SLIT3: variants seen among roughly 807,000 people sequenced by gnomAD.
The protein encoded by SLIT3 is slit guidance ligand 3, also known as slit homolog 3 protein.
Under a neutral mutation model 184.0 loss-of-function variants are expected in SLIT3, and 68 were observed. That is an observed-to-expected ratio of 0.37 (90% CI 0.30 to 0.45). The LOEUF (loss-of-function observed/expected upper bound fraction) is 0.45. Among genes scored for constraint, SLIT3 ranks in the 20% least tolerant of loss-of-function variants. SLIT3 has a pLI of 1.00. For synonymous variants in SLIT3, 831 were observed against 828.6 expected, an observed-to-expected ratio of 1.00 and a Z score of -0.05; for missense variants, 1,707 against 2,026.0, an observed-to-expected ratio of 0.84 and a Z score of 3.02.
chr5:168,704,706 A>G (rs1465794088), intron 26 of SLIT3, among the ~76,000 whole-genome samples: 2 of 152,196 alleles, frequency 1.3e-5, no homozygotes, highest in Non-Finnish European at 2.9e-5. Context: ...CTGCTACCAA[A>G]TGTTACACAG....
intron 3 of SLIT3, among the ~76,000 whole-genome samples, chr5:169,226,337 C>G (rs1050160465): frequency 1.3e-5 from 2 of 152,110 alleles, no homozygotes; most frequent in East Asian, 3.9e-4. Context: ...CTCTGCAGCC[C>G]CTTTTCTTCC....
intron 30 of SLIT3, 118 bp from the exon 31 acceptor site, chr5:168,686,045 A>G: frequency 5.9e-6 from 7 of 1,185,546 alleles, no homozygotes; most frequent in Non-Finnish European, 6.8e-6. Flanking sequence ...AAATGACACT[A>G]GTTCTAGGGG....
intron 3 of SLIT3, among the ~76,000 whole-genome samples, chr5:169,214,208 A>G (rs1221836111): frequency 1.3e-5 from 2 of 152,226 alleles, no homozygotes; most frequent in African/African-American, 2.4e-5. Flanking sequence ...TAAGTGCTCA[A>G]TATCTGGTTC....
intron 12 of SLIT3, among the ~76,000 whole-genome samples, chr5:168,783,796 G>T (rs1756058224): frequency 6.6e-6 from 1 of 152,172 alleles, no homozygotes; most frequent in African/African-American, 2.4e-5. Flanking sequence ...ACAGCTACTT[G>T]AGTCCCAGTT....
chr5:168,862,547 C>T (rs554230656), intron 5 of SLIT3, among the ~76,000 whole-genome samples: 48 of 152,260 alleles, frequency 3.2e-4, no homozygotes, highest in Non-Finnish European at 1.5e-5. Context: ...TGGTGACCTC[C>T]TTACTCTTAT....
At chr5:169,107,718 C>T (rs1209846361) in intron 4 of SLIT3, among the ~76,000 whole-genome samples, 1 of 152,220 alleles carries the variant, frequency 6.6e-6, no homozygotes, top group Non-Finnish European at 1.5e-5. Flanking sequence ...TAAGAACAGC[C>T]ACCTGGCTCT....
intron 4 of SLIT3, among the ~76,000 whole-genome samples, chr5:169,166,232 A>C (rs1234618569): frequency 6.6e-6 from 1 of 152,022 alleles, no homozygotes; most frequent in Admixed American, 6.6e-5. Flanking sequence ...ACTCCCCCCA[A>C]AGTTCTTGTT....
chr5:169,184,150 A>G (rs990706993), intron 4 of SLIT3, among the ~76,000 whole-genome samples: 1 of 152,228 alleles, frequency 6.6e-6, no homozygotes, highest in Non-Finnish European at 1.5e-5. Context: ...AAGTATTAAT[A>G]TCCTAGATCT....
chr5:168,840,865 G>A (rs1331730404), intron 6 of SLIT3, among the ~76,000 whole-genome samples: 4 of 152,206 alleles, frequency 2.6e-5, no homozygotes, highest in Admixed American at 6.5e-5. Flanking sequence ...TATGGCAATG[G>A]CCACGAGTGG....
rs140459037 is a variant in SLIT3, at chr5:168,794,514, C to T, written c.1007+993G>A. Reference sequence around the variant, plus strand: ...GATGAGGGCGGTGATGCAATGGTGCCGTCCAGGCTGCTGTGGTGAGGGAGG... The same window carrying T: ...GATGAGGGCGGTGATGCAATGGTGCTGTCCAGGCTGCTGTGGTGAGGGAGG... On this transcript the variant is annotated intron_variant, in intron 10 of 35. Coordinates refer to ENST00000519560, the MANE Select transcript of SLIT3 (RefSeq NM_003062.4). Among the ~76,000 whole-genome samples the T allele has an allele frequency of 3.9e-5, 6 of 152,240 alleles. No homozygotes were observed. In the East Asian group the frequency reaches 5.8e-4, roughly 15 times the overall value.
intron 6 of SLIT3, among the ~76,000 whole-genome samples, chr5:168,840,250 C>T (rs1266999454): frequency 2.0e-5 from 3 of 152,206 alleles, no homozygotes; most frequent in Non-Finnish European, 4.4e-5. Context: ...TTTCTGTTAT[C>T]TGTGGTCCGG....
In SLIT3 at chr5:169,103,205, C is replaced by T. The variant is rs377319050; in HGVS notation, c.413+90274G>A. 5.9e-5 allele frequency among the ~76,000 whole-genome samples: 9 copies of T among 152,186 alleles called. No homozygotes were observed. The East Asian group carries it at 1.2e-3, about 20-fold the overall frequency. The stretch of plus-strand genomic sequence containing the variant: ...AAAAAGAATGGCTAGATAATATATT[C>T]AACACAAAATAGCTCGGAAATAGTG... On this transcript the variant is annotated intron_variant, in intron 4 of 35. Coordinates refer to ENST00000519560, the MANE Select transcript of SLIT3 (RefSeq NM_003062.4).
intron 4 of SLIT3, among the ~76,000 whole-genome samples, chr5:169,149,992 A>G (rs1762059721): frequency 6.6e-6 from 1 of 152,200 alleles, no homozygotes; most frequent in South Asian, 2.1e-4. Context: ...GAGGTTCTGG[A>G]AGATAAAATA....
At chr5:168,993,056 C>G (rs145283083) in intron 4 of SLIT3, 2 of 152,164 alleles carry the variant, frequency 1.3e-5, no homozygotes, top group African/African-American at 4.8e-5. Flanking sequence ...TCATGGGCCT[C>G]AGTAGGTAGG....
chr5:168,676,163 T>TCCA (rs774607152), intron 32 of SLIT3, among the ~76,000 whole-genome samples: 3 of 150,194 alleles, frequency 2.0e-5, no homozygotes, highest in Admixed American at 2.0e-4. Context: ...ATCTACTCTC[T>TCCA]TCCATCCATC....
chr5:169,047,827 G>A (rs1028733305), intron 4 of SLIT3, among the ~76,000 whole-genome samples: 2 of 152,188 alleles, frequency 1.3e-5, no homozygotes, highest in Admixed American at 6.5e-5. Context: ...GTCTATGAGG[G>A]TCCTTAGCCC....
chr5:168,742,006 C>G (rs1371767814), intron 20 of SLIT3, among the ~76,000 whole-genome samples: 1 of 119,622 alleles, frequency 8.4e-6, no homozygotes, highest in Non-Finnish European at 1.7e-5. Context: ...GCTTCCAGGA[C>G]TGAGACTGAG....
rs369478670 is a variant in SLIT3, at chr5:169,000,343, G to T, written c.414-117007C>A. Among the ~76,000 whole-genome samples, 29 of 119,948 alleles carry T rather than the reference G, an allele frequency of 2.4e-4. 1 individual carries two copies. Among genetic ancestry groups the T allele is most frequent in the African/African-American group, 9.2e-4 (28 of 30,424 alleles). 78.7% of individuals were successfully genotyped at this position (119,948 alleles called of 152,430 possible). On this transcript the variant is annotated intron_variant, in intron 4 of 35. Coordinates refer to ENST00000519560, the MANE Select transcript of SLIT3 (RefSeq NM_003062.4). ...GGAGGCAGAGGTTGCAGTGAGCTGAGATCACACCACTGCACTCCAGCCTGG... is the reference window on the plus strand; with the variant it reads ...GGAGGCAGAGGTTGCAGTGAGCTGATATCACACCACTGCACTCCAGCCTGG...
At chr5:169,006,546 A>G (rs923221332) in intron 4 of SLIT3, among the ~76,000 whole-genome samples, 1 of 151,566 alleles carries the variant, frequency 6.6e-6, no homozygotes, top group Non-Finnish European at 1.5e-5. Flanking sequence ...AGACCAATTA[A>G]AATTTAAAGA....
Sources: allele counts gnomAD v4.1 joint callset (sites outside exome capture counted in the v4.1 genomes callset), GRCh38; gene constraint gnomAD v4.1.1; transcripts MANE v1.5; gene names NCBI Gene and HGNC (gene_info 2026-07-23, HGNC 2026-07-21).